IL34: variants seen among roughly 807,000 people sequenced by gnomAD.
IL34 encodes the protein interleukin-34.
In IL34, 17 loss-of-function variants were observed where a neutral mutation model predicts 25.3. The observed-to-expected ratio is 0.67, with a 90% CI of 0.46 to 1.01. The LOEUF is 1.01. Among genes scored for constraint, IL34 ranks in the 50% least tolerant of loss-of-function variants. The probability of loss-of-function intolerance (pLI) is 0.00; values close to 1 mark genes in which losing one functional copy is unlikely to be tolerated. For missense variants in IL34, 368 were observed against 312.9 expected (o/e 1.18, Z -1.33); for synonymous variants, 174 against 140.9 (o/e 1.23, Z -1.66).
At chr16:70,624,888 G>A (rs991129888) in intron 1 of IL34, among the ~76,000 whole-genome samples, 12 of 151,912 alleles carry the variant, frequency 7.9e-5, no homozygotes, top group Admixed American at 2.6e-4. Context: ...ACTCAGTGAC[G>A]CTTGGGGTTG....
At chr16:70,622,140 A>G (rs996244027) in intron 1 of IL34, among the ~76,000 whole-genome samples, 13 of 152,040 alleles carry the variant, frequency 8.6e-5, no homozygotes, top group African/African-American at 2.7e-4. Flanking sequence ...ATCAGACTGT[A>G]TAGAGGGGGG....
At chr16:70,606,771 A>G (rs767819759) in intron 1 of IL34, among the ~76,000 whole-genome samples, 17 of 152,046 alleles carry the variant, frequency 1.1e-4, no homozygotes, top group Non-Finnish European at 1.5e-5. Context: ...TATTTTTTGT[A>G]GAGGCAAGGT....
intron 1 of IL34, among the ~76,000 whole-genome samples, chr16:70,598,141 T>C (rs1233314818): frequency 6.6e-6 from 1 of 152,140 alleles, no homozygotes. Flanking sequence ...GCACCGCGCC[T>C]GGTTGAAGGG....
chr16:70,598,394 G>T (rs1384824616), intron 1 of IL34, among the ~76,000 whole-genome samples: 1 of 152,016 alleles, frequency 6.6e-6, no homozygotes, highest in Non-Finnish European at 1.5e-5. Flanking sequence ...CCGCGCCCCT[G>T]CTCAAGAACC....
intron 1 of IL34, among the ~76,000 whole-genome samples, chr16:70,616,639 G>A (rs1055699926): frequency 6.6e-6 from 1 of 152,156 alleles, no homozygotes; most frequent in African/African-American, 2.4e-5. Context: ...TGGGATAGGC[G>A]GTGAAGTTAA....
intron 1 of IL34, among the ~76,000 whole-genome samples, chr16:70,649,941 G>C (rs945669982): frequency 6.6e-6 from 1 of 152,188 alleles, no homozygotes; most frequent in African/African-American, 2.4e-5. Flanking sequence ...TGGGACTACA[G>C]GCACCTGCCA....
intron 1 of IL34, among the ~76,000 whole-genome samples, chr16:70,603,278 T>C (rs1439823054): frequency 6.6e-6 from 1 of 151,226 alleles, no homozygotes; most frequent in Non-Finnish European, 1.5e-5. Flanking sequence ...ATTTATTTTT[T>C]ATTTGTTATT....
intron 5 of IL34, 58 bp downstream of exon 5, chr16:70,659,811 C>A: frequency 6.4e-7 from 1 of 1,554,422 alleles, no homozygotes. Flanking sequence ...CTGGGCCCAC[C>A]CAGGCCAGCT....
intron 1 of IL34, among the ~76,000 whole-genome samples, chr16:70,633,901 A>G (rs12923477): frequency 0.3 from 45,299 of 151,040 alleles, 7,050 homozygotes; most frequent in South Asian, 0.47. Flanking sequence ...CCCAGGCTGG[A>G]GTGCGGTGGC....
chr16:70,659,834 G>A (rs527707162), intron 5 of IL34, 81 bp downstream of exon 5: 196 of 1,522,472 alleles, frequency 1.3e-4, no homozygotes, highest in Middle Eastern at 4.4e-4. Context: ...CAGAGCTGGC[G>A]TCCTCCCGGG....
chr16:70,603,828 T>G (rs2050957510), intron 1 of IL34, among the ~76,000 whole-genome samples: 1 of 152,216 alleles, frequency 6.6e-6, no homozygotes, highest in Non-Finnish European at 1.5e-5. Flanking sequence ...GCAGTCCTCC[T>G]GCTTCAGCCT....
At chr16:70,606,213 A>G (rs1361346406) in intron 1 of IL34, among the ~76,000 whole-genome samples, 1 of 151,812 alleles carries the variant, frequency 6.6e-6, no homozygotes, top group African/African-American at 2.4e-5. Context: ...CCTGGGCAAC[A>G]TGGCGAAACC....
intron 1 of IL34, among the ~76,000 whole-genome samples, chr16:70,624,176 C>T (rs1404207930): frequency 6.6e-6 from 1 of 151,948 alleles, no homozygotes; most frequent in Non-Finnish European, 1.5e-5. Flanking sequence ...ACAGATGGGA[C>T]GCGGCTTAGG....
chr16:70,604,800 G>A (rs74024407), intron 1 of IL34, among the ~76,000 whole-genome samples: 2,279 of 152,340 alleles, frequency 0.015, 65 homozygotes, highest in African/African-American at 0.052. Context: ...AAGGAAGAGC[G>A]GGGACCGAGG....
At chr16:70,656,442 C>T (rs1221436394) in intron 2 of IL34, among the ~76,000 whole-genome samples, 160 bp from the exon 3 acceptor site, 1 of 152,158 alleles carries the variant, frequency 6.6e-6, no homozygotes, top group Non-Finnish European at 1.5e-5. Flanking sequence ...TTGCTTGAGC[C>T]TGGGAGGTCA....
intron 1 of IL34, among the ~76,000 whole-genome samples, chr16:70,651,616 G>A (rs1346540843): frequency 6.6e-6 from 1 of 152,148 alleles, no homozygotes; most frequent in African/African-American, 2.4e-5. Flanking sequence ...TGGGGAGGTA[G>A]CAAATGGGTG....
intron 3 of IL34, 99 bp from the exon 4 acceptor site, chr16:70,656,861 G>C: frequency 1.7e-5 from 23 of 1,349,590 alleles, no homozygotes; most frequent in Non-Finnish European, 2.3e-5. Context: ...CGGACGGCCC[G>C]CGTCTGCTCC....
At chr16:70,608,692 C>T (rs539731934) in intron 1 of IL34, among the ~76,000 whole-genome samples, 4 of 152,338 alleles carry the variant, frequency 2.6e-5, no homozygotes, top group African/African-American at 7.2e-5. Context: ...AGGCCAAGGC[C>T]GTGCAGGCGA....
rs996976765 is a variant in IL34, at chr16:70,656,809, G to T, written c.240+130G>T. 27 of 1,028,666 alleles carry T rather than the reference G, an allele frequency of 2.6e-5. No homozygotes were observed. In the Admixed American group the frequency reaches 4.5e-4, roughly 17 times the overall value. 63.7% of individuals were successfully genotyped at this position (1,028,666 alleles called of 1,614,324 possible). A position where few individuals can be genotyped will look rare whatever the true frequency, so the allele number is the denominator to read the frequency against. The stretch of plus-strand genomic sequence containing the variant: ...GGCCTCTCCTCAGCCCCGAGAGCAG[G>T]CTGGCCCTTGGCCCAGGCACATGTT... On this transcript the variant is annotated intron_variant, in intron 3 of 5. Transcript: ENST00000288098.
Sources: allele counts gnomAD v4.1 joint callset (sites outside exome capture counted in the v4.1 genomes callset), GRCh38; gene constraint gnomAD v4.1.1; transcripts MANE v1.5; gene names NCBI Gene and HGNC (gene_info 2026-07-23, HGNC 2026-07-21).